Variants in SLC39A9 observed in about 807,000 individuals in gnomAD.
SLC39A9 encodes solute carrier family 39 member 9, also known as zinc transporter ZIP9.
Under a neutral mutation model 28.4 loss-of-function variants are expected in SLC39A9, and 14 were observed. The observed-to-expected ratio is 0.49, with a 90% CI of 0.33 to 0.77. The LOEUF is 0.77. SLC39A9 is among the 30% of genes least tolerant of loss of function. SLC39A9 has a pLI of 0.02. For synonymous variants in SLC39A9, 119 were observed against 149.6 expected, an observed-to-expected ratio of 0.80 and a Z score of 1.49; for missense variants, 283 against 381.1, an observed-to-expected ratio of 0.74 and a Z score of 2.14.
chr14:69,436,461 T>A (rs1594933725), intron 2 of SLC39A9, among the ~76,000 whole-genome samples: 1 of 152,340 alleles, frequency 6.6e-6, no homozygotes, highest in East Asian at 1.9e-4. Context: ...AACTTGAGAA[T>A]CTGAGTCCCG....
In SLC39A9 at chr14:69,459,760, A is replaced by G; in HGVS notation, c.*1167A>G. On this transcript the variant is annotated 3_prime_UTR_variant, in exon 7 of 7. Transcript: ENST00000336643. ...TTCGTCTTTTCTTTGCTTTTCTTCT[A>G]ACTTTTCCCTCTAGCCTCTCCTCGC... 1 of 985,294 alleles carries G rather than the reference A, an allele frequency of 1.0e-6. No homozygotes were observed. Among genetic ancestry groups the G allele is most frequent in the Non-Finnish European group, 1.2e-6 (1 of 829,876 alleles). 61.0% of individuals were successfully genotyped at this position (985,294 alleles called of 1,614,324 possible). A position where few individuals can be genotyped will look rare whatever the true frequency, so the allele number is the denominator to read the frequency against.
rs1214902137 is a variant in SLC39A9 at position 69,462,235 on chromosome 14, A to G, written c.*3642A>G. ...CAGTTCCCCTGGTTCAATAGCTGGAACAGTGATTTTAAATGTCCCTTTTTC... is the reference window on the plus strand; with the variant it reads ...CAGTTCCCCTGGTTCAATAGCTGGAGCAGTGATTTTAAATGTCCCTTTTTC... On this transcript the variant is annotated 3_prime_UTR_variant, in exon 7 of 7. Coordinates refer to ENST00000336643, the MANE Select transcript of SLC39A9 (RefSeq NM_018375.5). The G allele has an allele frequency of 6.6e-6, 1 of 152,372 alleles. No homozygotes were observed. The highest frequency in any genetic ancestry group is 2.4e-5 in the African/African-American group (1 of 41,470). The allele number at this position is 152,372 out of a possible 1,614,324, so 9.4% of individuals were successfully genotyped here.
intron 3 of SLC39A9, among the ~76,000 whole-genome samples, chr14:69,448,831 G>A (rs1034362386): frequency 1.3e-5 from 2 of 152,340 alleles, no homozygotes; most frequent in African/African-American, 4.8e-5. Flanking sequence ...ACACATTGAA[G>A]CATCTGGGGA....
chr14:69,455,011 A>G (rs1885792452), intron 5 of SLC39A9, 114 bp downstream of exon 5: 8 of 739,186 alleles, frequency 1.1e-5, no homozygotes, highest in East Asian at 5.4e-5. Flanking sequence ...CATAATTGCT[A>G]TTCATTTTGG....
At chr14:69,424,289 A>T (rs1183995716) in intron 2 of SLC39A9, 87 bp downstream of exon 2, 6 of 966,930 alleles carry the variant, frequency 6.2e-6, no homozygotes. Flanking sequence ...TTCTGAGCAC[A>T]GTTCATGTTT....
In SLC39A9 at chr14:69,399,191, TGTTGCCGGGTAC is replaced by T; in HGVS notation, c.-175_-164del. On this transcript the variant is annotated 5_prime_UTR_variant, in exon 1 of 7. Coordinates refer to ENST00000336643, the MANE Select transcript of SLC39A9 (RefSeq NM_018375.5). ...GGTGCTAATATCAGCAAAAAGGGTC[TGTTGCCGGGTAC>T]GTTCAAGAGGAAGGTGCCTCGTGAA... The T allele has an allele frequency of 1.6e-6, 1 of 613,386 alleles. No homozygotes were observed. Among genetic ancestry groups the T allele is most frequent in the East Asian group, 3.1e-5 (1 of 32,546 alleles). 38.0% of individuals were successfully genotyped at this position (613,386 alleles called of 1,614,324 possible). A position where few individuals can be genotyped will look rare whatever the true frequency, so the allele number is the denominator to read the frequency against.
rs1301734891 is a variant in SLC39A9, at chr14:69,399,323, C to T, written c.-47C>T. On this transcript the variant is annotated 5_prime_UTR_variant, in exon 1 of 7. Transcript: ENST00000336643. ...AGAACCTAAGCACCATTTAAAGCCA[C>T]TGGAAATTTGTTGTCTAGTGGTTGT... 6.4e-7 allele frequency: 1 copy of T among 1,559,898 alleles called. No homozygotes were observed. The highest frequency in any genetic ancestry group is 1.7e-5 in the Admixed American group (1 of 58,856).
chr14:69,442,510 A>G (rs1336131976), intron 3 of SLC39A9, among the ~76,000 whole-genome samples: 1 of 152,222 alleles, frequency 6.6e-6, no homozygotes. Flanking sequence ...TTGAGAGTCT[A>G]GGGCAGAAGT....
intron 3 of SLC39A9, among the ~76,000 whole-genome samples, chr14:69,449,751 G>T (rs890255573): frequency 3.3e-5 from 5 of 152,182 alleles, no homozygotes; most frequent in African/African-American, 4.8e-5. Context: ...GTGAGTTCAA[G>T]AACAGAGAGT....
At chr14:69,449,395 C>T (rs948049663) in intron 3 of SLC39A9, among the ~76,000 whole-genome samples, 1 of 152,038 alleles carries the variant, frequency 6.6e-6, no homozygotes, top group African/African-American at 2.4e-5. Flanking sequence ...GAGGCCAAGA[C>T]GGGAAGATTG....
intron 1 of SLC39A9, among the ~76,000 whole-genome samples, chr14:69,404,841 A>C (rs1407647528): frequency 6.6e-6 from 1 of 152,116 alleles, no homozygotes; most frequent in Non-Finnish European, 1.5e-5. Context: ...TTCGTGTTTT[A>C]AAGTTTTGTG....
rs545423365 is a variant in SLC39A9 at position 69,449,435 on chromosome 14, G to A, written c.404-3806G>A. Among the ~76,000 whole-genome samples, 310 of 152,260 alleles carry A rather than the reference G, an allele frequency of 2.0e-3. 1 individual carries two copies. Among genetic ancestry groups the A allele is most frequent in the African/African-American group, 7.2e-3 (299 of 41,560 alleles). On this transcript the variant is annotated intron_variant, in intron 3 of 6. Coordinates refer to ENST00000336643, the MANE Select transcript of SLC39A9 (RefSeq NM_018375.5). ...AGCCCAGGAGTTTGAGACCAGCCTA[G>A]GCAACAAAGCGAGACGCCGTCTCTA...
intron 2 of SLC39A9, among the ~76,000 whole-genome samples, chr14:69,440,104 A>AG (rs1398266742): frequency 1.3e-5 from 2 of 152,070 alleles, no homozygotes; most frequent in African/African-American, 4.8e-5. Context: ...CTAAATGAAG[A>AG]GGGGAAGGGC....
chr14:69,424,176 A>G lies in SLC39A9; in HGVS notation c.179A>G (p.His60Arg). The change falls in exon 2 of 7, where the codon CAT becomes CGT. Residue 60 changes from histidine to arginine, a missense_variant. By Grantham distance (29) the His-to-Arg change is conservative. Coordinates refer to ENST00000336643, the MANE Select transcript of SLC39A9 (RefSeq NM_018375.5). The part of the protein sequence containing the change: ...ALAVIVPEGV[H>R]ALYEDILEGK... ...GCAGTCATCGTGCCTGAAGGAGTAC[A>G]TGCCCTTTATGAAGATATTCTTGAG... is the stretch of plus-strand genomic sequence containing the variant. The G allele has an allele frequency of 6.2e-7, 1 of 1,613,506 alleles. No homozygotes were observed. Among genetic ancestry groups the G allele is most frequent in the Non-Finnish European group, 8.5e-7 (1 of 1,179,472 alleles).
intron 2 of SLC39A9, among the ~76,000 whole-genome samples, chr14:69,426,228 T>C (rs61982398): frequency 0.13 from 19,040 of 152,018 alleles, 1,304 homozygotes; most frequent in East Asian, 0.18. Context: ...CCAAGACTGC[T>C]CCCTCCTTCA....
intron 2 of SLC39A9, among the ~76,000 whole-genome samples, chr14:69,435,486 A>T (rs1039313648): frequency 4.6e-5 from 7 of 152,074 alleles, no homozygotes; most frequent in Non-Finnish European, 1.0e-4. Context: ...CATTTTTTTT[A>T]AACTCTAGTT....
chr14:69,403,386 G>A lies in SLC39A9; in HGVS notation c.96+3921G>A, dbSNP rs11621911. Among the ~76,000 whole-genome samples the A allele has an allele frequency of 4.9e-3, 742 of 152,280 alleles. 5 individuals carry two copies. Among genetic ancestry groups the A allele is most frequent in the Non-Finnish European group, 8.2e-3 (561 of 68,024 alleles). ...ATTTCAGATTGATTATCTGAGGGTT[G>A]TTACTCACCTGAGTATGTCTCCTCT... On this transcript the variant is annotated intron_variant, in intron 1 of 6. Transcript: ENST00000336643.
rs868396543 is a variant in SLC39A9 at position 69,432,859 on chromosome 14, T to A, written c.205+8657T>A. ...GATGGCTGTCAGTATATGGCTTTAT[T>A]TCTGGGTTCTCTGTTCTGTTCCATT... On this transcript the variant is annotated intron_variant, in intron 2 of 6. Transcript: ENST00000336643. Among the ~76,000 whole-genome samples the A allele has an allele frequency of 2.6e-5, 4 of 152,296 alleles. No homozygotes were observed. The South Asian group carries it at 8.3e-4, about 32-fold the overall frequency.
intron 1 of SLC39A9, among the ~76,000 whole-genome samples, chr14:69,414,960 T>C (rs768063637): frequency 4.6e-5 from 7 of 152,250 alleles, no homozygotes; most frequent in Non-Finnish European, 4.4e-5. Context: ...TTATGAGATT[T>C]GTTCATTTAT....
Sources: allele counts gnomAD v4.1 joint callset (sites outside exome capture counted in the v4.1 genomes callset), GRCh38; gene constraint gnomAD v4.1.1; transcripts MANE v1.5; gene names NCBI Gene and HGNC (gene_info 2026-07-23, HGNC 2026-07-21).